Variants in SLC36A1 observed in about 807,000 individuals in gnomAD.
SLC36A1 encodes solute carrier family 36 member 1, also known as proton-coupled amino acid transporter 1.
Under a neutral mutation model 47.5 loss-of-function variants are expected in SLC36A1, and 30 were observed. The observed-to-expected ratio is 0.63, with a 90% CI of 0.47 to 0.86. The LOEUF is 0.86. Ranked by LOEUF, SLC36A1 falls within the 40% of genes least tolerant of loss-of-function variation. The pLI, the probability that SLC36A1 is intolerant of heterozygous loss-of-function variation, is 0.00. For missense variants in SLC36A1, 517 were observed against 606.0 expected, an observed-to-expected ratio of 0.85 and a Z score of 1.54; for synonymous variants, 255 against 249.7, an observed-to-expected ratio of 1.02 and a Z score of -0.20.
the SLC36A1 span, among the ~76,000 whole-genome samples, chr5:151,364,721 G>C: frequency 2.0e-5 from 3 of 152,218 alleles, no homozygotes; most frequent in Non-Finnish European, 4.4e-5. Flanking sequence ...TAAGCAAAAA[G>C]GAACTGACCC....
At chr5:151,508,811 G>A in the SLC36A1 span, among the ~76,000 whole-genome samples, 1 of 152,084 alleles carries the variant, frequency 6.6e-6, no homozygotes, top group African/African-American at 2.4e-5. Flanking sequence ...TAAAATGAGT[G>A]GGTGAACTAC....
the SLC36A1 span, chr5:151,521,385 G>T: frequency 1.2e-6 from 2 of 1,614,224 alleles, no homozygotes; most frequent in East Asian, 2.2e-5. Context: ...TGTTATGGCA[G>T]ATTTGACCCT....
chr5:151,534,771 C>T, the SLC36A1 span: 1 of 699,902 alleles, frequency 1.4e-6, no homozygotes, highest in Non-Finnish European at 2.4e-6. Context: ...GGGGTCAATA[C>T]AGTCAGGAAA....
At chr5:151,378,545 T>C in the SLC36A1 span, 1 of 218,482 alleles carries the variant, frequency 4.6e-6, no homozygotes, top group South Asian at 8.2e-5. Context: ...GCCATACATA[T>C]CTTTTCCATT....
the SLC36A1 span, among the ~76,000 whole-genome samples, chr5:151,426,307 T>C: frequency 2.6e-5 from 4 of 151,756 alleles, no homozygotes; most frequent in African/African-American, 7.3e-5. Context: ...GCGCCAGCAC[T>C]GGTCTCTGAG....
At chr5:151,458,330 A>ACATACACTTT (rs1561738018) in intron 1 of SLC36A1, among the ~76,000 whole-genome samples, 1 of 96,828 alleles carries the variant, frequency 1.0e-5, no homozygotes, top group African/African-American at 3.6e-5. Context: ...ATATATATAT[A>ACATACACTTT]TATGGGATAT....
the SLC36A1 span, among the ~76,000 whole-genome samples, chr5:151,532,141 G>A: frequency 6.6e-6 from 1 of 152,214 alleles, no homozygotes. Context: ...CTTGACTGGG[G>A]CAGGGAGACC....
the SLC36A1 span, among the ~76,000 whole-genome samples, chr5:151,520,002 T>TGA: frequency 6.6e-6 from 1 of 152,246 alleles, no homozygotes; most frequent in Non-Finnish European, 1.5e-5. Context: ...GCCAGGTGGC[T>TGA]GAGAGAGACC....
chr5:151,479,310 G>C lies in SLC36A1; in HGVS notation c.990-10G>C. 1 of 1,613,276 alleles carries C rather than the reference G, an allele frequency of 6.2e-7. No homozygotes were observed. The highest frequency in any genetic ancestry group is 8.5e-7 in the Non-Finnish European group (1 of 1,179,330). ...AGCAGGCTTGGAATGTCTCCTGTCTGTTTCGGCAGGTTGTACCAGTCAGTT... is the reference window on the plus strand; with the variant it reads ...AGCAGGCTTGGAATGTCTCCTGTCTCTTTCGGCAGGTTGTACCAGTCAGTT... On this transcript the variant is annotated splice_polypyrimidine_tract_variant and intron_variant, in intron 9 of 10. Coordinates refer to ENST00000243389, the MANE Select transcript of SLC36A1 (RefSeq NM_078483.4).
chr5:151,418,651 CTTG>C, the SLC36A1 span, among the ~76,000 whole-genome samples: 1 of 152,182 alleles, frequency 6.6e-6, no homozygotes, highest in Non-Finnish European at 1.5e-5. Flanking sequence ...AAGTAACTAA[CTTG>C]TTTTTGATTT....
the SLC36A1 span, among the ~76,000 whole-genome samples, chr5:151,515,252 C>T: frequency 2.0e-5 from 3 of 152,186 alleles, no homozygotes; most frequent in African/African-American, 4.8e-5. Context: ...CCAGCATCAC[C>T]GGTTACTCAT....
chr5:151,480,027 T>C, intron 10 of SLC36A1: 1 of 1,217,808 alleles, frequency 8.2e-7, no homozygotes, highest in Non-Finnish European at 1.1e-6. Flanking sequence ...CACTTGTGTT[T>C]TATTCTTCTT....
the SLC36A1 span, among the ~76,000 whole-genome samples, chr5:151,423,457 A>G: frequency 2.0e-5 from 3 of 152,252 alleles, no homozygotes; most frequent in African/African-American, 4.8e-5. Flanking sequence ...ATTTAGCACT[A>G]AGAAGAAATG....
chr5:151,430,409 C>T, the SLC36A1 span, among the ~76,000 whole-genome samples: 1,554 of 150,340 alleles, frequency 0.01, 57 homozygotes, highest in East Asian at 0.14. Flanking sequence ...CTGCAACCTC[C>T]GCCTCCTGGG....
the SLC36A1 span, among the ~76,000 whole-genome samples, chr5:151,394,349 C>T: frequency 1.3e-5 from 2 of 152,188 alleles, no homozygotes; most frequent in African/African-American, 4.8e-5. Context: ...TGGGTTTGAA[C>T]TTACCCCTTT....
chr5:151,499,663 A>G, the SLC36A1 span, among the ~76,000 whole-genome samples: 2 of 152,108 alleles, frequency 1.3e-5, no homozygotes, highest in African/African-American at 2.4e-5. Flanking sequence ...CTCCCTCCAG[A>G]GCACTGCCCT....
intron 8 of SLC36A1, among the ~76,000 whole-genome samples, 162 bp from the exon 9 acceptor site, chr5:151,476,428 A>G (rs1270010797): frequency 6.6e-6 from 1 of 152,252 alleles, no homozygotes; most frequent in African/African-American, 2.4e-5. Flanking sequence ...TCTAGTCCCA[A>G]GAGCATAACG....
chr5:151,476,494 T>C (rs1758062781), intron 8 of SLC36A1, 96 bp from the exon 9 acceptor site: 1 of 990,266 alleles, frequency 1.0e-6, no homozygotes. Context: ...ATTCTGGGGA[T>C]AAAAGAGTTA....
the SLC36A1 span, chr5:151,531,926 C>T: frequency 1.9e-6 from 3 of 1,614,226 alleles, no homozygotes; most frequent in South Asian, 3.3e-5. This position sits in a 1 kb window ranked among gnomAD's most constrained non-coding sequence, Gnocchi z 5.7. Context: ...GAAAAGTGGC[C>T]TTCGGCTGAA....
Sources: allele counts gnomAD v4.1 joint callset (sites outside exome capture counted in the v4.1 genomes callset), GRCh38; gene constraint gnomAD v4.1.1; non-coding constraint Gnocchi (gnomAD v3.1); transcripts MANE v1.5; gene names NCBI Gene and HGNC (gene_info 2026-07-23, HGNC 2026-07-21).